Variants in FOXP1 observed in about 807,000 individuals in gnomAD.
The protein encoded by FOXP1 is forkhead box protein P1.
FOXP1 carries 15 observed loss-of-function variants against 98.2 expected under a neutral mutation model. That is an observed-to-expected ratio of 0.15 (90% CI 0.10 to 0.24). The LOEUF (loss-of-function observed/expected upper bound fraction) is 0.24, where lower values mean the gene tolerates loss of function less well. FOXP1 is among the 10% of genes least tolerant of loss of function. The pLI is 1.00. For missense variants in FOXP1, 633 were observed against 848.5 expected (o/e 0.75, Z 3.15); for synonymous variants, 371 against 314.5 (o/e 1.18, Z -1.90).
chr3:71,217,867 ACT>A (rs1197200769), intron 5 of FOXP1, among the ~76,000 whole-genome samples: 1 of 152,040 alleles, frequency 6.6e-6, no homozygotes, highest in African/African-American at 2.4e-5. Flanking sequence ...ATCTCTCCAA[ACT>A]CTACTTCTCC....
chr3:70,972,705 T>C (rs749571682), intron 17 of FOXP1, 29 bp from the exon 18 acceptor site: 3 of 1,611,984 alleles, frequency 1.9e-6, no homozygotes, highest in Admixed American at 3.3e-5. Flanking sequence ...AGAGAACATT[T>C]ACATTTTCTA....
intron 4 of FOXP1, chr3:71,302,868 A>G (rs1304701794): frequency 6.6e-6 from 1 of 152,184 alleles, no homozygotes; most frequent in African/African-American, 2.4e-5. Flanking sequence ...AGGGTGAGAC[A>G]CTAAATGTAC....
At chr3:71,238,438 G>GT (rs529240457) in intron 5 of FOXP1, among the ~76,000 whole-genome samples, 2,037 of 152,214 alleles carry the variant, frequency 0.013, 34 homozygotes, top group African/African-American at 0.047. Flanking sequence ...GGGTGTGGGG[G>GT]GGTGTGTGTG....
intron 3 of FOXP1, among the ~76,000 whole-genome samples, chr3:71,363,289 T>A (rs753884890): frequency 3.9e-5 from 6 of 152,216 alleles, no homozygotes; most frequent in Non-Finnish European, 5.9e-5. Context: ...CCATCACGGA[T>A]AAAGAATTCT....
intron 4 of FOXP1, among the ~76,000 whole-genome samples, chr3:71,306,556 T>TAC (rs145561041): frequency 7.3e-6 from 1 of 137,376 alleles, no homozygotes; most frequent in Non-Finnish European, 1.5e-5. Context: ...TAAAAATATA[T>TAC]ACACACACAT....
intron 5 of FOXP1, among the ~76,000 whole-genome samples, chr3:71,238,826 G>A (rs904367484): frequency 1.2e-4 from 18 of 152,234 alleles, no homozygotes; most frequent in East Asian, 1.9e-4. Flanking sequence ...GGAGGGACCC[G>A]GGAAGAGGAG....
chr3:70,976,885 A>G, intron 17 of FOXP1, 56 bp downstream of exon 17: 1 of 1,302,244 alleles, frequency 7.7e-7, no homozygotes, highest in South Asian at 1.2e-5. Context: ...TTTATCAACA[A>G]CAAACTGTTC....
At chr3:71,267,098 T>C (rs1334646143) in intron 5 of FOXP1, among the ~76,000 whole-genome samples, 7 of 150,658 alleles carry the variant, frequency 4.6e-5, no homozygotes, top group Non-Finnish European at 8.8e-5. Flanking sequence ...AGTCACATTA[T>C]TATCACGCTG....
intron 5 of FOXP1, among the ~76,000 whole-genome samples, chr3:71,207,199 A>G (rs2064103181): frequency 6.6e-6 from 1 of 152,142 alleles, no homozygotes. Flanking sequence ...CTGAATTCTC[A>G]CAAATAGCCC....
chr3:70,973,489 T>TATC (rs2036791902), intron 17 of FOXP1, among the ~76,000 whole-genome samples: 2 of 152,172 alleles, frequency 1.3e-5, no homozygotes, highest in Non-Finnish European at 1.5e-5. Context: ...ATCGATAATT[T>TATC]ATCAAAAAGG....
Position 71,285,017 on chromosome 3 carries a change from T to C in FOXP1, c.-12+14803A>G, listed in dbSNP as rs549247075. 3.3e-5 allele frequency among the ~76,000 whole-genome samples: 5 copies of C among 152,270 alleles called. 1 individual carries two copies. The highest frequency in any genetic ancestry group is 1.2e-4 in the African/African-American group (5 of 41,548). ...TTCTATTCTATGTATGTAACATACA[T>C]AGAATATTATAATGAGAACTTAGTT... On this transcript the variant is annotated intron_variant, in intron 5 of 20. Transcript: ENST00000649528.
intron 2 of FOXP1, among the ~76,000 whole-genome samples, chr3:71,557,069 T>A (rs1416347498): frequency 6.6e-6 from 1 of 152,094 alleles, no homozygotes; most frequent in Non-Finnish European, 1.5e-5. Flanking sequence ...TTTGTAGGGG[T>A]TTGTTCATAA....
intron 6 of FOXP1, among the ~76,000 whole-genome samples, chr3:71,182,808 G>A (rs2062407167): frequency 1.3e-5 from 2 of 151,876 alleles, no homozygotes; most frequent in East Asian, 1.9e-4. Context: ...GCCTCCCAAA[G>A]TGCAGGAATT....
chr3:71,546,077 C>T (rs1010007754), intron 2 of FOXP1, among the ~76,000 whole-genome samples: 3 of 152,136 alleles, frequency 2.0e-5, no homozygotes, highest in African/African-American at 7.2e-5. Flanking sequence ...GTGTGTGTGG[C>T]TTTTCCCCAG....
chr3:70,993,999 GAAGAA>G (rs2040993851), intron 13 of FOXP1, among the ~76,000 whole-genome samples: 1 of 135,960 alleles, frequency 7.4e-6, no homozygotes, highest in African/African-American at 2.8e-5. Context: ...CGTCTCAAAA[GAAGAA>G]AAAGAAAAAG....
At chr3:71,502,980 G>A (rs369120461) in intron 2 of FOXP1, among the ~76,000 whole-genome samples, 1,245 of 140,534 alleles carry the variant, frequency 8.9e-3, no homozygotes, top group Middle Eastern at 0.015. Context: ...TTTACAATTA[G>A]AAAAAAAAAA....
At chr3:71,078,960 G>A (rs557019861) in intron 7 of FOXP1, among the ~76,000 whole-genome samples, 4 of 152,260 alleles carry the variant, frequency 2.6e-5, no homozygotes, top group African/African-American at 7.2e-5. Context: ...ACCAGTGGAT[G>A]CTATGGAACT....
intron 3 of FOXP1, among the ~76,000 whole-genome samples, chr3:71,440,404 G>A (rs1177968868): frequency 2.0e-5 from 3 of 151,954 alleles, no homozygotes; most frequent in Admixed American, 6.6e-5. Context: ...CGTGCCGGGC[G>A]CGGTGGCTCA....
In FOXP1 at chr3:71,082,310, C is replaced by T. The variant is rs191813679; in HGVS notation, c.283-28537G>A. 2.0e-3 allele frequency among the ~76,000 whole-genome samples: 306 copies of T among 149,858 alleles called. 2 individuals carry two copies. Among genetic ancestry groups the T allele is most frequent in the African/African-American group, 7.1e-3 (291 of 40,772 alleles). On this transcript the variant is annotated intron_variant, in intron 7 of 20. Transcript: ENST00000649528. ...AGAAAAAAAAAAAAAAAAGAATAGA[C>T]GGTGCTGATGTCTAGAACATACTAG...
Sources: gnomAD v4.1 joint callset for allele counts (sites outside exome capture counted in the v4.1 genomes callset) on GRCh38, gnomAD v4.1.1 for gene constraint, MANE v1.5 for transcripts, NCBI Gene and HGNC (gene_info 2026-07-23, HGNC 2026-07-21) for gene names.